The following OR52N4 variants were observed in gnomAD, a reference collection of about 807,000 sequenced individuals.
OR52N4 encodes olfactory receptor family 52 subfamily N member 4, also known as olfactory receptor 52N4.
OR52N4 carries 15 observed loss-of-function variants against 15.0 expected under a neutral mutation model. The observed-to-expected ratio is 1.00, with a 90% CI of 0.67 to 1.54. OR52N4 has a LOEUF of 1.54. Ranked by LOEUF, OR52N4 falls within the 40% of genes most tolerant of loss-of-function variation. The pLI is 0.00. For missense variants in OR52N4, 421 were observed against 394.0 expected (o/e 1.07, Z -0.58); for synonymous variants, 143 against 143.7 (o/e 1.00, Z 0.03).
chr11:5,743,446 T>G, the OR52N4 span, among the ~76,000 whole-genome samples: 2 of 152,224 alleles, frequency 1.3e-5, no homozygotes, highest in Non-Finnish European at 2.9e-5. Flanking sequence ...TTTCTGTATA[T>G]TTCTGTTGGC....
chr11:5,746,284 CA>C, the OR52N4 span, among the ~76,000 whole-genome samples: 2 of 152,032 alleles, frequency 1.3e-5, 1 homozygote, highest in South Asian at 4.1e-4. Context: ...GCAATCAAAA[CA>C]AAAATAGATG....
At chr11:5,735,811 T>C in the OR52N4 span, among the ~76,000 whole-genome samples, 1,229 of 152,252 alleles carry the variant, frequency 8.1e-3, 16 homozygotes, top group African/African-American at 0.028. Context: ...AAGTTAAAAT[T>C]ACTGTTCAAT....
chr11:5,742,063 C>A, the OR52N4 span, among the ~76,000 whole-genome samples: 1 of 151,252 alleles, frequency 6.6e-6, no homozygotes, highest in African/African-American at 2.4e-5. Flanking sequence ...ATTTCAGAGA[C>A]TGAAGTCGGG....
At chr11:5,741,138 C>T in the OR52N4 span, among the ~76,000 whole-genome samples, 2 of 152,190 alleles carry the variant, frequency 1.3e-5, 1 homozygote, top group Admixed American at 1.3e-4. Context: ...TCATACAAGA[C>T]TATGGTTACT....
chr11:5,731,466 C>T, the OR52N4 span, among the ~76,000 whole-genome samples: 1 of 152,160 alleles, frequency 6.6e-6, no homozygotes, highest in Non-Finnish European at 1.5e-5. Context: ...TTGTGTACGT[C>T]TCAGAATTGT....
the OR52N4 span, among the ~76,000 whole-genome samples, chr11:5,734,845 T>C: frequency 6.6e-6 from 1 of 152,078 alleles, no homozygotes; most frequent in African/African-American, 2.4e-5. Context: ...CCATTATTGC[T>C]TGTGCTCTTT....
chr11:5,729,095 A>G, the OR52N4 span, among the ~76,000 whole-genome samples: 1 of 126,632 alleles, frequency 7.9e-6, no homozygotes, highest in Admixed American at 8.0e-5. Flanking sequence ...GTGTCCATGT[A>G]TCTAATCCTT....
intron 1 of OR52N4, 85 bp from the exon 2 acceptor site, chr11:5,754,608 T>G: frequency 1.1e-6 from 1 of 918,812 alleles, no homozygotes; most frequent in Non-Finnish European, 1.6e-6. Context: ...ACCATTAAAA[T>G]GCATTATGGA....
At chr11:5,751,801 T>C (rs974403304), upstream of OR52N4, among the ~76,000 whole-genome samples, 4 of 152,158 alleles carry the variant, frequency 2.6e-5, no homozygotes, top group African/African-American at 7.2e-5. Flanking sequence ...TTGATTTTCA[T>C]AATATCATGA....
the OR52N4 span, chr11:5,736,497 T>A: frequency 5.6e-6 from 9 of 1,609,960 alleles, no homozygotes; most frequent in Non-Finnish European, 7.6e-6. Context: ...CAAATAGAGA[T>A]TTGAAATTCA....
the OR52N4 span, among the ~76,000 whole-genome samples, chr11:5,735,348 A>C: frequency 1.3e-5 from 2 of 152,104 alleles, no homozygotes; most frequent in African/African-American, 4.8e-5. Flanking sequence ...ATGCAAAATA[A>C]AGGATTGTAA....
chr11:5,737,282 C>A, the OR52N4 span: 3 of 1,614,098 alleles, frequency 1.9e-6, no homozygotes, highest in Non-Finnish European at 2.5e-6. Flanking sequence ...ACATCTCACC[C>A]TCATCCTTTT....
chr11:5,729,182 T>G, the OR52N4 span, among the ~76,000 whole-genome samples: 72 of 142,094 alleles, frequency 5.1e-4, 1 homozygote, highest in African/African-American at 1.8e-3. Flanking sequence ...TGCAGTGGCA[T>G]GATCTCAGCT....
the OR52N4 span, among the ~76,000 whole-genome samples, chr11:5,729,003 T>C: frequency 1.3e-5 from 2 of 152,090 alleles, no homozygotes; most frequent in Admixed American, 6.5e-5. Context: ...ACTCGTCCTT[T>C]ACATTAGGTA....
upstream of OR52N4, among the ~76,000 whole-genome samples, chr11:5,752,611 C>T (rs750622532): frequency 8.5e-5 from 13 of 152,132 alleles, no homozygotes; most frequent in Non-Finnish European, 1.3e-4. Flanking sequence ...TAACATATTA[C>T]GTCCTTTAAT....
chr11:5,730,925 T>C, the OR52N4 span, among the ~76,000 whole-genome samples: 1 of 152,048 alleles, frequency 6.6e-6, no homozygotes, highest in South Asian at 2.1e-4. Flanking sequence ...ACTGTCATTA[T>C]TTCTTGCTTC....
At chr11:5,740,370 G>T in the OR52N4 span, among the ~76,000 whole-genome samples, 1 of 127,566 alleles carries the variant, frequency 7.8e-6, no homozygotes. Flanking sequence ...TGTGCTATAT[G>T]GAAACCACGT....
At position 5,755,042 on chromosome 11, in the gene OR52N4, T is replaced by C. The variant is rs1854271825; in HGVS notation, c.302T>C (p.Val101Ala). ...LKDIGFDECLVQMFFTHTFTG... is the reference protein window; with the variant it reads ...LKDIGFDECLAQMFFTHTFTG... ...GACATTGGATTTGATGAATGCCTTG[T>C]CCAGATGTTCTTCACCCACACCTTC... Residue 101 changes from valine to alanine, a missense_variant, in exon 2 of 2, where the codon GTC becomes GCC. Transcript: ENST00000641350. 6.2e-7 allele frequency: 1 copy of C among 1,613,904 alleles called. No individual in the cohort carries two copies. Among genetic ancestry groups the C allele is most frequent in the Non-Finnish European group, 8.5e-7 (1 of 1,179,988 alleles).
the OR52N4 span, chr11:5,736,308 A>G: frequency 1.3e-5 from 7 of 556,882 alleles, no homozygotes; most frequent in East Asian, 2.1e-4. Flanking sequence ...CATTTAAAAA[A>G]TCTAGTTATT....
Sources: gnomAD v4.1 joint callset for allele counts (sites outside exome capture counted in the v4.1 genomes callset) on GRCh38, gnomAD v4.1.1 for gene constraint, MANE v1.5 for transcripts, NCBI Gene and HGNC (gene_info 2026-07-23, HGNC 2026-07-21) for gene names.